GAPVD1: variants seen among roughly 807,000 people sequenced by gnomAD.
GAPVD1 encodes the protein GTPase activating protein and VPS9 domains 1, also known as GTPase-activating protein and VPS9 domain-containing protein 1.
A neutral mutation model predicts 155.5 loss-of-function variants in GAPVD1; 35 were observed. The ratio of observed to expected loss-of-function variants is 0.23; its 90% CI spans 0.17 to 0.30. The LOEUF is 0.30. Among genes scored for constraint, GAPVD1 ranks in the 10% least tolerant of loss-of-function variants. GAPVD1 has a pLI of 1.00. For synonymous variants in GAPVD1, 636 were observed against 619.7 expected (o/e 1.03, Z -0.39); for missense variants, 1,429 against 1,775.7 (o/e 0.80, Z 3.51).
In GAPVD1 at chr9:125,337,544, C is replaced by T. The variant is rs146957648; in HGVS notation, c.2830C>T (p.Pro944Ser). 5,281 of 1,613,900 alleles carry T rather than the reference C, an allele frequency of 3.3e-3. 20 individuals carry two copies. The highest frequency in any genetic ancestry group is 4.0e-3 in the Non-Finnish European group (4,680 of 1,179,772). Reference protein sequence around the residue: ...AIGATSLVAAPHSSSSSPSKD... With the variant: ...AIGATSLVAASHSSSSSPSKD... ...TGGTGCTACTTCTTTGGTGGCTGCA[C>T]CTCATTCATCATCTTCATCCCCGAG... The change falls in exon 17 of 28, where the codon CCT becomes TCT. Residue 944 changes from proline (P) to serine (S), a missense_variant. Pro to Ser is a moderately conservative substitution (Grantham distance 74). Around this residue, in one of 4 missense-constraint regions of GAPVD1, gnomAD observed 699 missense variants for 826.0 expected, o/e 0.85. Coordinates refer to ENST00000297933, the MANE Select transcript of GAPVD1 (RefSeq NM_001282680.3).
At chr9:125,335,182 T>C in intron 15 of GAPVD1, 2 of 767,208 alleles carry the variant, frequency 2.6e-6, no homozygotes, top group Non-Finnish European at 4.8e-6. Flanking sequence ...ATTTTCTTTA[T>C]ATACTTCAGC....
chr9:125,353,712 A>C (rs753352939), intron 23 of GAPVD1, among the ~76,000 whole-genome samples: 63 of 152,194 alleles, frequency 4.1e-4, no homozygotes, highest in Non-Finnish European at 7.2e-4. Flanking sequence ...GAGCTTGTGC[A>C]GGGAAATTCC....
chr9:125,310,617 G>A (rs911463311), intron 8 of GAPVD1, among the ~76,000 whole-genome samples: 2 of 146,216 alleles, frequency 1.4e-5, no homozygotes, highest in South Asian at 2.2e-4. Flanking sequence ...TCGGCTCACC[G>A]CAACCTCTGC....
rs376467108 is a variant in GAPVD1 at position 125,325,224 on chromosome 9, G to GA, written c.1859-1181dup. Among the ~76,000 whole-genome samples the GA allele has an allele frequency of 3.6e-3, 473 of 130,248 alleles. 1 individual carries two copies. The highest frequency in any genetic ancestry group is 0.011 in the African/African-American group (397 of 34,872). 85.4% of individuals were successfully genotyped at this position (130,248 alleles called of 152,430 possible). On this transcript the variant is annotated intron_variant, in intron 11 of 27. Coordinates refer to ENST00000297933, the MANE Select transcript of GAPVD1 (RefSeq NM_001282680.3). ...TGGGCGACAGAGTGAGACTCTGATT[G>GA]AAAAAAAAAAAGATGGGCCGGGTGC...
intron 27 of GAPVD1, among the ~76,000 whole-genome samples, chr9:125,361,123 C>T (rs930745555): frequency 5.3e-5 from 8 of 152,134 alleles, no homozygotes; most frequent in African/African-American, 1.9e-4. Context: ...CCCGCCTCAG[C>T]CTCCTGAAGT....
intron 23 of GAPVD1, among the ~76,000 whole-genome samples, chr9:125,352,457 ACT>A (rs1849442263): frequency 5.3e-5 from 8 of 152,122 alleles, no homozygotes; most frequent in Admixed American, 4.6e-4. Flanking sequence ...TGGGGCTTGC[ACT>A]CTCTGAAGCC....
intron 8 of GAPVD1, among the ~76,000 whole-genome samples, chr9:125,310,565 G>C (rs1842519868): frequency 7.0e-6 from 1 of 142,738 alleles, no homozygotes; most frequent in South Asian, 2.2e-4. Context: ...TTGAGGCGGA[G>C]TCTAGCTCTT....
intron 13 of GAPVD1, among the ~76,000 whole-genome samples, chr9:125,331,552 T>C (rs958479175): frequency 1.3e-5 from 2 of 152,188 alleles, no homozygotes; most frequent in African/African-American, 4.8e-5. Flanking sequence ...TGAAGACCAG[T>C]TGGGGACAAT....
Position 125,359,441 on chromosome 9 carries a change from G to A in GAPVD1, c.3993G>A (p.Gln1331=). 6.3e-7 allele frequency: 1 copy of A among 1,594,960 alleles called. No homozygotes were observed. The highest frequency in any genetic ancestry group is 8.6e-7 in the Non-Finnish European group (1 of 1,163,210). ...TCAGGGTTCTTCATGAACATATCCA[G>A]AGATTGTCTAAAGTAGTGACTGCAA... ...LRDQVLHEHI[Q]RLSKVVTANH... is the part of the protein sequence containing the mutation. The change falls in exon 26 of 28, where the codon CAG becomes CAA. Residue 1331 remains glutamine, a synonymous_variant. Transcript: ENST00000297933.
chr9:125,328,833 A>AC lies in GAPVD1; in HGVS notation c.2033-1235dup, dbSNP rs34007926. Among the ~76,000 whole-genome samples the AC allele has an allele frequency of 4.1e-3, 589 of 144,710 alleles. 3 individuals are homozygous for AC. Among genetic ancestry groups the AC allele is most frequent in the East Asian group, 0.013 (64 of 4,924 alleles). 94.9% of individuals were successfully genotyped at this position (144,710 alleles called of 152,430 possible). A position where few individuals can be genotyped will look rare whatever the true frequency, so the allele number is the denominator to read the frequency against. ...AGGCGGCTGGCCGGGCAGGGGGCTG[A>AC]CCCCCCCCCCACCTCCCTCCCGGAC... On this transcript the variant is annotated intron_variant, in intron 12 of 27. Transcript: ENST00000297933.
chr9:125,350,942 TTTC>T, intron 23 of GAPVD1, 70 bp downstream of exon 23: 1 of 1,228,750 alleles, frequency 8.1e-7, no homozygotes, highest in Non-Finnish European at 1.2e-6. Context: ...TTTATCCTTA[TTTC>T]AGAAATGAAT....
chr9:125,324,383 G>T (rs1327332233), intron 11 of GAPVD1, among the ~76,000 whole-genome samples: 1 of 152,064 alleles, frequency 6.6e-6, no homozygotes, highest in Non-Finnish European at 1.5e-5. Flanking sequence ...CTGAGGTCGG[G>T]AGTTCAAGAC....
chr9:125,264,130 A>G (rs1414173007), intron 1 of GAPVD1: 6 of 706,242 alleles, frequency 8.5e-6, no homozygotes, highest in Admixed American at 2.0e-5. Flanking sequence ...ACAGGATGAC[A>G]GTGTAGACGA....
chr9:125,295,534 G>T lies in GAPVD1; in HGVS notation c.-73G>T, dbSNP rs1228322487. On this transcript the variant is annotated 5_prime_UTR_variant, in exon 3 of 28. Transcript: ENST00000297933. ...TGTAACCTCCGCCTCCCGGGTTCAA[G>T]CGATCCTCCCATCTGACCCTCCCAA... is the stretch of plus-strand genomic sequence containing the variant. 6.7e-6 allele frequency: 1 copy of T among 149,032 alleles called. No homozygotes were observed. The highest frequency in any genetic ancestry group is 1.5e-5 in the Non-Finnish European group (1 of 67,754). The allele number at this position is 149,032 out of a possible 1,614,324, so 9.2% of individuals were successfully genotyped here.
chr9:125,267,519 C>T (rs1834163189), intron 1 of GAPVD1, among the ~76,000 whole-genome samples: 1 of 152,124 alleles, frequency 6.6e-6, no homozygotes, highest in Admixed American at 6.6e-5. Context: ...TTCTGATTCT[C>T]CTGCCTCAGC....
intron 2 of GAPVD1, among the ~76,000 whole-genome samples, chr9:125,278,432 A>G (rs1299291960): frequency 6.6e-6 from 1 of 152,070 alleles, no homozygotes; most frequent in Non-Finnish European, 1.5e-5. Context: ...GAGGCAGGAG[A>G]ATCACTTGAA....
chr9:125,341,065 A>G, intron 17 of GAPVD1, 112 bp from the exon 18 acceptor site: 2 of 712,166 alleles, frequency 2.8e-6, no homozygotes, highest in Non-Finnish European at 5.1e-6. Flanking sequence ...AGCCTGGGCA[A>G]CAGAATGAGA....
chr9:125,332,499 GT>G lies in GAPVD1; in HGVS notation c.2309-5del, dbSNP rs749526159. On this transcript the variant is annotated splice_polypyrimidine_tract_variant and intron_variant, in intron 14 of 27. Coordinates refer to ENST00000297933, the MANE Select transcript of GAPVD1 (RefSeq NM_001282680.3). The stretch of plus-strand genomic sequence containing the variant: ...TTCTTCCTGTTTATTTTTTACTATT[GT>G]TTTTTAAAGGCATAAGTGCAACCTC... 3 of 1,561,890 alleles carry G rather than the reference GT, an allele frequency of 1.9e-6. No homozygotes were observed. The highest frequency in any genetic ancestry group is 2.0e-5 in the Admixed American group (1 of 49,330).
rs758473555 is a variant in GAPVD1, at chr9:125,342,278, G to A, written c.3025G>A (p.Asp1009Asn). Residue 1009 changes from aspartate (D) to asparagine (N), a missense_variant, in exon 19 of 28, where the codon GAC becomes AAC. Transcript: ENST00000297933. ...QEKDKDDLGP[D>N]RFSTLTDDPS... is the part of the protein sequence containing the mutation. ...AAAAGACAAAGATGATCTGGGGCCTGACAGATTCTCAACACTCACAGGTTT... is the reference window on the plus strand; with the variant it reads ...AAAAGACAAAGATGATCTGGGGCCTAACAGATTCTCAACACTCACAGGTTT... The A allele has an allele frequency of 1.3e-6, 2 of 1,593,808 alleles. No homozygotes were observed. The highest frequency in any genetic ancestry group is 1.7e-6 in the Non-Finnish European group (2 of 1,161,538).
Sources: gnomAD v4.1 joint callset for allele counts (sites outside exome capture counted in the v4.1 genomes callset) on GRCh38, gnomAD v4.1.1 for gene constraint, gnomAD v4.1.1 regional missense constraint, MANE v1.5 for transcripts, NCBI Gene and HGNC (gene_info 2026-07-23, HGNC 2026-07-21) for gene names.